The following CD36 variants were observed in gnomAD, a reference collection of about 807,000 sequenced individuals.
CD36 encodes platelet glycoprotein 4.
Under a neutral mutation model 55.2 loss-of-function variants are expected in CD36, and 119 were observed. The ratio of observed to expected loss-of-function variants is 2.15; its 90% CI spans 1.86 to 2.51. The LOEUF is 2.51. Ranked by LOEUF, CD36 falls within the 30% of genes most tolerant of loss-of-function variation. The probability of loss-of-function intolerance (pLI) is 0.00; values close to 1 mark genes in which losing one functional copy is unlikely to be tolerated. For synonymous variants in CD36, 186 were observed against 193.6 expected (o/e 0.96, Z 0.33); for missense variants, 819 against 555.5 (o/e 1.47, Z -4.77).
chr7:80,654,362 C>G (rs1014800983), intron 3 of CD36, among the ~76,000 whole-genome samples: 1 of 152,098 alleles, frequency 6.6e-6, no homozygotes, highest in Non-Finnish European at 1.5e-5. Context: ...TACTTGTGTA[C>G]AAACCTAATA....
rs3211851 is a variant in CD36, at chr7:80,654,141, A to G, written c.121-2399A>G. ...AAGGGAAAAGTGATTTGTGGCCTTTAGAAAAAAAGGTCTCATACACGTACA... is the reference window on the plus strand; with the variant it reads ...AAGGGAAAAGTGATTTGTGGCCTTTGGAAAAAAAGGTCTCATACACGTACA... On this transcript the variant is annotated intron_variant, in intron 3 of 14. Transcript: ENST00000447544. Among the ~76,000 whole-genome samples, 4 of 152,164 alleles carry G rather than the reference A, an allele frequency of 2.6e-5. No homozygotes were observed. In the East Asian group the frequency reaches 7.7e-4, roughly 29 times the overall value.
rs56195239 is a variant in CD36, at chr7:80,629,898, C to CT, written c.-183-16177dup. The stretch of plus-strand genomic sequence containing the variant: ...GGAGACTGATAAATTCAATAGTAGC[C>CT]TTTTTTTTTTTTTGGTATCATGAAA... On this transcript the variant is annotated intron_variant, in intron 1 of 13. Transcript: ENST00000309881. Among the ~76,000 whole-genome samples, 516 of 146,486 alleles carry CT rather than the reference C, an allele frequency of 3.5e-3. 2 individuals are homozygous for CT. The highest frequency in any genetic ancestry group is 0.011 in the African/African-American group (456 of 39,890).
intron 1 of CD36, among the ~76,000 whole-genome samples, chr7:80,625,333 G>A: frequency 6.6e-6 from 1 of 152,018 alleles, no homozygotes; most frequent in Non-Finnish European, 1.5e-5. Context: ...GACTTGTATT[G>A]TGATACATTG....
At chr7:80,670,270 G>C (rs1584458230) in intron 9 of CD36, 1 of 484,492 alleles carries the variant, frequency 2.1e-6, no homozygotes, top group Non-Finnish European at 3.7e-6. Context: ...AAGTCCAGAA[G>C]GGCGTGCCCA....
In CD36 at chr7:80,646,198, ATC is replaced by A. The variant is rs1471117893; in HGVS notation, c.-90+19_-90+20del. 6.3e-6 allele frequency: 1 copy of A among 158,630 alleles called. No homozygotes were observed. The highest frequency in any genetic ancestry group is 2.4e-5 in the African/African-American group (1 of 41,486). The allele number at this position is 158,630 out of a possible 1,614,324, so 9.8% of individuals were successfully genotyped here. On this transcript the variant is annotated intron_variant, in intron 2 of 14. Transcript: ENST00000447544. ...GTGAATAAGGTATCGTAAATAAAAC[ATC>A]TGTTACCATACTTGCTTATCATTTA...
rs561364440 is a variant in CD36, at chr7:80,679,104, C to T, written c.*2721C>T. 10 of 151,578 alleles carry T rather than the reference C, an allele frequency of 6.6e-5. No homozygotes were observed. The highest frequency in any genetic ancestry group is 3.3e-4 in the Admixed American group (5 of 15,170). 9.4% of individuals were successfully genotyped at this position (151,578 alleles called of 1,614,324 possible). On this transcript the variant is annotated 3_prime_UTR_variant, in exon 15 of 15. Coordinates refer to ENST00000447544, the MANE Select transcript of CD36 (RefSeq NM_001001548.3). Reference sequence around the variant, plus strand: ...CATATACCAATAGCATTACCTATGACTTTTTTTTTCCTGAGCTATTTTCAC... The same window carrying T: ...CATATACCAATAGCATTACCTATGATTTTTTTTTTCCTGAGCTATTTTCAC...
intron 3 of CD36, among the ~76,000 whole-genome samples, chr7:80,647,606 TA>T (rs1479723492): frequency 6.6e-6 from 1 of 152,074 alleles, no homozygotes; most frequent in Admixed American, 6.6e-5. Flanking sequence ...CGTTGATTGA[TA>T]GGGGGAAGAA....
chr7:80,618,190 C>G (rs777770532), intron 1 of CD36, among the ~76,000 whole-genome samples: 6 of 152,094 alleles, frequency 3.9e-5, no homozygotes, highest in Admixed American at 6.6e-5. Flanking sequence ...TGACTTTGAG[C>G]AATTTAGCTA....
intron 1 of CD36, among the ~76,000 whole-genome samples, chr7:80,644,580 ATTC>A (rs1398373685): frequency 3.9e-5 from 6 of 152,290 alleles, no homozygotes; most frequent in Admixed American, 3.9e-4. Flanking sequence ...TCATTTTCTT[ATTC>A]TTTTCTTAGC....
intron 13 of CD36, 53 bp downstream of exon 13, chr7:80,673,462 A>C: frequency 9.9e-7 from 1 of 1,007,152 alleles, no homozygotes; most frequent in Non-Finnish European, 1.6e-6. Context: ...GTATATAAAC[A>C]AGCTCTTGAT....
chr7:80,609,082 A>G (rs996352703), intron 1 of CD36, among the ~76,000 whole-genome samples: 1 of 152,100 alleles, frequency 6.6e-6, no homozygotes, highest in Non-Finnish European at 1.5e-5. Context: ...ATCCTTGAGT[A>G]GTCCTATGTT....
chr7:80,645,825 C>T (rs1795128670), intron 1 of CD36, among the ~76,000 whole-genome samples: 1 of 151,570 alleles, frequency 6.6e-6, no homozygotes, highest in African/African-American at 2.4e-5. Flanking sequence ...AAGACATCCT[C>T]TACATTTTAT....
chr7:80,653,991 C>A (rs757781855), intron 3 of CD36, among the ~76,000 whole-genome samples: 1 of 152,104 alleles, frequency 6.6e-6, no homozygotes, highest in African/African-American at 2.4e-5. Flanking sequence ...TCTCTAGAAC[C>A]CATTTTCCAC....
intron 1 of CD36, among the ~76,000 whole-genome samples, chr7:80,613,972 A>G (rs1286077948): frequency 6.6e-6 from 1 of 152,218 alleles, no homozygotes; most frequent in Non-Finnish European, 1.5e-5. Context: ...AAGTTGTTAC[A>G]GATAAACATT....
intron 11 of CD36, 80 bp from the exon 12 acceptor site, chr7:80,672,690 T>C: frequency 5.3e-6 from 5 of 947,958 alleles, no homozygotes; most frequent in Non-Finnish European, 8.3e-6. Context: ...CCTTCTCTTC[T>C]GCTGTAAGAA....
intron 11 of CD36, 118 bp downstream of exon 11, chr7:80,672,158 T>G: frequency 3.5e-6 from 3 of 864,054 alleles, no homozygotes; most frequent in African/African-American, 1.7e-5. Flanking sequence ...TGAATCACAT[T>G]CTTGAAAGTT....
intron 1 of CD36, among the ~76,000 whole-genome samples, chr7:80,615,184 C>T (rs1216427000): frequency 2.0e-5 from 3 of 152,122 alleles, no homozygotes; most frequent in Non-Finnish European, 2.9e-5. Context: ...GTGTCTTTCC[C>T]GCATTCATTT....
Position 80,671,038 on chromosome 7 carries a change from GT to G in CD36, c.882del (p.Leu295PhefsTer34). The G allele has an allele frequency of 6.2e-7, 1 of 1,613,080 alleles. No homozygotes were observed. Among genetic ancestry groups the G allele is most frequent in the South Asian group, 1.1e-5 (1 of 91,058 alleles). On this transcript the variant is annotated frameshift_variant, in exon 10 of 15. Coordinates refer to ENST00000447544, the MANE Select transcript of CD36 (RefSeq NM_001001548.3). LOFTEE classifies it high-confidence loss of function. ...GAAAGGAATCCCTGTGTATAGATTT[GT>G]TCTTCCATCCAAGGCCTTTGCCTCT... ...NLKGIPVYRF[V>X]LPSKAFASPV...
chr7:80,626,936 G>A lies in CD36; in HGVS notation c.-183-19152G>A, dbSNP rs905870092. On this transcript the variant is annotated intron_variant, in intron 1 of 13. Coordinates refer to the CD36 transcript ENST00000309881. ...CAATCTTCTCTGTACCTCTTCATAT[G>A]TAAGTATTGCATTCATCTTATCTCC... Among the ~76,000 whole-genome samples the A allele has an allele frequency of 3.3e-5, 5 of 151,930 alleles. No homozygotes were observed. The East Asian group carries it at 9.6e-4, about 29-fold the overall frequency.
Sources: gnomAD v4.1 joint callset for allele counts (sites outside exome capture counted in the v4.1 genomes callset) on GRCh38, gnomAD v4.1.1 for gene constraint, MANE v1.5 for transcripts, NCBI Gene and HGNC (gene_info 2026-07-23, HGNC 2026-07-21) for gene names.